ARHGEF3: variants seen among roughly 807,000 people sequenced by gnomAD.
ARHGEF3 encodes the protein 59.8 kDA protein.
ARHGEF3 carries 28 observed loss-of-function variants against 63.2 expected under a neutral mutation model. The ratio of observed to expected loss-of-function variants is 0.44; its 90% CI spans 0.33 to 0.61. The LOEUF is 0.61. Among genes scored for constraint, ARHGEF3 ranks in the 20% least tolerant of loss-of-function variants. ARHGEF3 has a pLI of 0.03. For missense variants in ARHGEF3, 533 were observed against 659.3 expected (o/e 0.81, Z 2.10); for synonymous variants, 266 against 254.2 (o/e 1.05, Z -0.44).
chr3:56,787,009 T>C (rs2107900020), intron 1 of ARHGEF3, among the ~76,000 whole-genome samples: 1 of 152,148 alleles, frequency 6.6e-6, no homozygotes, highest in South Asian at 2.1e-4. Context: ...ATAAAAATGG[T>C]ATTTATTCCT....
At chr3:57,011,216 G>A (rs1051498385) in intron 2 of ARHGEF3, among the ~76,000 whole-genome samples, 2 of 152,188 alleles carry the variant, frequency 1.3e-5, no homozygotes, top group Non-Finnish European at 2.9e-5. Context: ...TTGGCACAAG[G>A]AGGCAAAGTT....
chr3:57,046,295 A>G (rs1389689128), intron 1 of ARHGEF3, among the ~76,000 whole-genome samples: 1 of 152,202 alleles, frequency 6.6e-6, no homozygotes, highest in Non-Finnish European at 1.5e-5. Flanking sequence ...AGCAGTTGGA[A>G]CCGGACAATA....
intron 3 of ARHGEF3, among the ~76,000 whole-genome samples, chr3:56,939,185 G>A (rs945569442): frequency 2.0e-5 from 3 of 152,176 alleles, no homozygotes; most frequent in African/African-American, 7.2e-5. Flanking sequence ...CTCCACGCAA[G>A]AGGCTTCAAT....
At chr3:56,950,471 A>G (rs967063463) in intron 3 of ARHGEF3, among the ~76,000 whole-genome samples, 1 of 152,132 alleles carries the variant, frequency 6.6e-6, no homozygotes, top group African/African-American at 2.4e-5. Flanking sequence ...GTGGGAAAAG[A>G]TATGAACAGA....
chr3:56,908,309 T>C (rs1044885955), intron 3 of ARHGEF3, among the ~76,000 whole-genome samples: 4 of 152,192 alleles, frequency 2.6e-5, no homozygotes, highest in Admixed American at 6.5e-5. Context: ...TTTCCAGGAC[T>C]CTGCAGGAAC....
At chr3:56,882,580 C>G (rs1174928394) in intron 3 of ARHGEF3, among the ~76,000 whole-genome samples, 1 of 134,592 alleles carries the variant, frequency 7.4e-6, no homozygotes, top group Non-Finnish European at 1.5e-5. Flanking sequence ...GTGCGGTGGT[C>G]TGATCTTGGC....
intron 4 of ARHGEF3, among the ~76,000 whole-genome samples, chr3:56,857,253 C>G (rs1019385922): frequency 6.6e-6 from 1 of 152,142 alleles, no homozygotes; most frequent in African/African-American, 2.4e-5. Flanking sequence ...GTTGATTTCC[C>G]TTTCTCCCTC....
At chr3:57,043,616 G>C (rs1377182581) in intron 1 of ARHGEF3, among the ~76,000 whole-genome samples, 1 of 152,196 alleles carries the variant, frequency 6.6e-6, no homozygotes, top group Non-Finnish European at 1.5e-5. Context: ...TCTCAGAGGA[G>C]GTGATGACTG....
chr3:56,998,266 C>T (rs1232682250), intron 2 of ARHGEF3, among the ~76,000 whole-genome samples: 1 of 152,130 alleles, frequency 6.6e-6, no homozygotes, highest in Non-Finnish European at 1.5e-5. Flanking sequence ...CCAGGGAAAT[C>T]AAACAGAAAG....
At chr3:57,023,551 CAGAGTCTAAGCTCTTT>C (rs1247819790) in intron 2 of ARHGEF3, among the ~76,000 whole-genome samples, 1 of 70,908 alleles carries the variant, frequency 1.4e-5, no homozygotes, top group Admixed American at 1.3e-4. Flanking sequence ...ACCCTTAGGA[CAGAGTCTAAGCTCTTT>C]ACTACCAAGG....
At chr3:56,759,693 C>T (rs904758428) in intron 2 of ARHGEF3, among the ~76,000 whole-genome samples, 3 of 152,014 alleles carry the variant, frequency 2.0e-5, no homozygotes, top group East Asian at 1.9e-4. Context: ...CACCGCTAAG[C>T]AAGTGCCTGG....
chr3:56,965,247 C>T (rs1161928090), intron 2 of ARHGEF3, among the ~76,000 whole-genome samples: 1 of 152,052 alleles, frequency 6.6e-6, no homozygotes, highest in Non-Finnish European at 1.5e-5. Context: ...CATAAGAAGG[C>T]CCCATTTTAA....
intron 7 of ARHGEF3, among the ~76,000 whole-genome samples, chr3:56,742,133 T>C (rs1445851800): frequency 6.6e-6 from 1 of 152,140 alleles, no homozygotes. Flanking sequence ...TTCACGGCTG[T>C]TGCATCAAAA....
At chr3:56,853,608 T>G (rs1247316893) in intron 4 of ARHGEF3, among the ~76,000 whole-genome samples, 1 of 152,244 alleles carries the variant, frequency 6.6e-6, no homozygotes, top group Non-Finnish European at 1.5e-5. Flanking sequence ...GTGCTGGGAT[T>G]ACAAGTGTGA....
chr3:56,873,418 G>A (rs2040493591), intron 4 of ARHGEF3, among the ~76,000 whole-genome samples: 1 of 151,962 alleles, frequency 6.6e-6, no homozygotes, highest in Non-Finnish European at 1.5e-5. Context: ...CCAAGTGTGT[G>A]TTGTTCCCCT....
intron 7 of ARHGEF3, among the ~76,000 whole-genome samples, chr3:56,741,331 A>G (rs1225861065): frequency 2.7e-5 from 4 of 149,318 alleles, no homozygotes; most frequent in Non-Finnish European, 4.5e-5. Context: ...GATTACAGGC[A>G]TGCACCACCA....
At chr3:57,047,958 T>G (rs1704528389) in intron 1 of ARHGEF3, among the ~76,000 whole-genome samples, 2 of 151,910 alleles carry the variant, frequency 1.3e-5, no homozygotes, top group African/African-American at 4.8e-5. Flanking sequence ...AAGGCAAGAT[T>G]GTACAGGCAT....
At chr3:56,750,670 GT>G (rs79472923) in intron 6 of ARHGEF3, among the ~76,000 whole-genome samples, 1,509 of 109,882 alleles carry the variant, frequency 0.014, 12 homozygotes, top group African/African-American at 0.037. Flanking sequence ...AGCATGACAA[GT>G]TTTTTTTTTT....
intron 3 of ARHGEF3, among the ~76,000 whole-genome samples, chr3:56,921,959 C>T (rs895125287): frequency 1.3e-5 from 2 of 152,128 alleles, no homozygotes; most frequent in African/African-American, 4.8e-5. Flanking sequence ...GGTTTTGTTA[C>T]AAGCAATCGC....
Sources: gnomAD v4.1 joint callset for allele counts (sites outside exome capture counted in the v4.1 genomes callset) on GRCh38, gnomAD v4.1.1 for gene constraint, MANE v1.5 for transcripts, NCBI Gene and HGNC (gene_info 2026-07-23, HGNC 2026-07-21) for gene names.